Variants in HIPK2 observed in about 807,000 individuals in gnomAD.
The protein encoded by HIPK2 is homeodomain-interacting protein kinase 2.
A neutral mutation model predicts 113.7 loss-of-function variants in HIPK2; 27 were observed. The ratio of observed to expected loss-of-function variants is 0.24; its 90% CI spans 0.17 to 0.33. HIPK2 has a LOEUF of 0.33. Ranked by LOEUF, HIPK2 falls within the 10% of genes least tolerant of loss-of-function variation. The probability of loss-of-function intolerance (pLI) is 1.00; values close to 1 mark genes in which losing one functional copy is unlikely to be tolerated. For synonymous variants in HIPK2, 631 were observed against 642.2 expected, an observed-to-expected ratio of 0.98 and a Z score of 0.26; for missense variants, 1,257 against 1,588.0, an observed-to-expected ratio of 0.79 and a Z score of 3.54.
chr7:139,612,283 G>A (rs555256850), intron 9 of HIPK2, among the ~76,000 whole-genome samples: 2 of 152,218 alleles, frequency 1.3e-5, no homozygotes, highest in Non-Finnish European at 2.9e-5. Flanking sequence ...GTGTCTTTGG[G>A]AAAAGCCTTT....
At chr7:139,749,992 T>C (rs1394930323) in intron 1 of HIPK2, among the ~76,000 whole-genome samples, 2 of 152,178 alleles carry the variant, frequency 1.3e-5, no homozygotes, top group Non-Finnish European at 2.9e-5. Context: ...TGGGAGAACA[T>C]CGCTGACCGC....
At chr7:139,698,907 C>A (rs1419266622) in intron 2 of HIPK2, among the ~76,000 whole-genome samples, 1 of 152,142 alleles carries the variant, frequency 6.6e-6, no homozygotes, top group Admixed American at 6.5e-5. Flanking sequence ...ATATATTATA[C>A]CACAGATTTT....
intron 2 of HIPK2, among the ~76,000 whole-genome samples, chr7:139,677,218 G>C (rs539222127): frequency 2.0e-5 from 3 of 150,984 alleles, no homozygotes; most frequent in East Asian, 2.0e-4. Context: ...TGTATGTAGA[G>C]AGAGAGGGGC....
intron 2 of HIPK2, among the ~76,000 whole-genome samples, chr7:139,685,945 A>C (rs917013120): frequency 1.3e-5 from 2 of 152,232 alleles, no homozygotes; most frequent in Non-Finnish European, 2.9e-5. Context: ...TTTGTCTTTC[A>C]TGTCTTATTA....
intron 14 of HIPK2, 69 bp from the exon 15 acceptor site, chr7:139,573,466 G>T: frequency 7.2e-7 from 1 of 1,395,694 alleles, no homozygotes; most frequent in Non-Finnish European, 9.9e-7. Context: ...GGGAGGAGGG[G>T]CAGGAGGGCA....
chr7:139,738,219 G>C (rs1795994137), intron 1 of HIPK2, among the ~76,000 whole-genome samples: 1 of 152,244 alleles, frequency 6.6e-6, no homozygotes, highest in African/African-American at 2.4e-5. Flanking sequence ...CAGTGGCTCA[G>C]ATAAAAATAT....
chr7:139,657,837 A>G lies in HIPK2; in HGVS notation c.1104-26112T>C, dbSNP rs574043800. ...CTATCACTGAACACAGTGTTACACA[A>G]TAAGTGCTCACGAAAACACAACTGA... On this transcript the variant is annotated intron_variant, in intron 2 of 14. Transcript: ENST00000406875. Among the ~76,000 whole-genome samples the G allele has an allele frequency of 6.6e-5, 10 of 152,344 alleles. No homozygotes were observed. In the South Asian group the frequency reaches 1.9e-3, roughly 28 times the overall value.
intron 4 of HIPK2, 144 bp from the exon 5 acceptor site, chr7:139,629,183 G>C: frequency 1.5e-6 from 1 of 653,406 alleles, no homozygotes; most frequent in Non-Finnish European, 2.7e-6. Flanking sequence ...CTGCACACCT[G>C]CAATTCCCTT....
chr7:139,596,529 T>C (rs545618002), intron 12 of HIPK2, 188 bp downstream of exon 12: 18 of 337,668 alleles, frequency 5.3e-5, no homozygotes, highest in African/African-American at 4.0e-4. Context: ...ATTTTGGTTT[T>C]AAACAATTAT....
At chr7:139,587,813 G>A (rs1798887998) in intron 12 of HIPK2, among the ~76,000 whole-genome samples, 1 of 152,092 alleles carries the variant, frequency 6.6e-6, no homozygotes, top group Non-Finnish European at 1.5e-5. Flanking sequence ...AGGAGTTTGA[G>A]GCTGCAGTGA....
At chr7:139,715,164 C>T (rs1460441539) in intron 2 of HIPK2, among the ~76,000 whole-genome samples, 3 of 152,222 alleles carry the variant, frequency 2.0e-5, no homozygotes, top group African/African-American at 4.8e-5. Context: ...ATACCTAGCA[C>T]TGCGGCTGGC....
chr7:139,684,069 G>A (rs149347918), intron 2 of HIPK2, among the ~76,000 whole-genome samples: 1 of 151,968 alleles, frequency 6.6e-6, no homozygotes, highest in East Asian at 1.9e-4. Flanking sequence ...GCCACATTTT[G>A]GTAATTCTCA....
chr7:139,700,708 G>C (rs1241802703), intron 2 of HIPK2, among the ~76,000 whole-genome samples: 1 of 152,176 alleles, frequency 6.6e-6, no homozygotes, highest in African/African-American at 2.4e-5. Context: ...GTGGGACTGA[G>C]TCTCGCAGGC....
At chr7:139,760,633 TA>T (rs1242867284) in intron 1 of HIPK2, among the ~76,000 whole-genome samples, 1 of 152,022 alleles carries the variant, frequency 6.6e-6, no homozygotes, top group African/African-American at 2.4e-5. Flanking sequence ...AAAGAAAAAA[TA>T]AAGATTTTTC....
intron 1 of HIPK2, among the ~76,000 whole-genome samples, chr7:139,761,027 A>T (rs1442720753): frequency 6.6e-6 from 1 of 152,232 alleles, no homozygotes; most frequent in Non-Finnish European, 1.5e-5. Flanking sequence ...ATAAAAATCC[A>T]TGAATGTATA....
chr7:139,757,073 A>C (rs1796374535), intron 1 of HIPK2, among the ~76,000 whole-genome samples: 1 of 152,182 alleles, frequency 6.6e-6, no homozygotes, highest in South Asian at 2.1e-4. Context: ...AGTAGTTTTC[A>C]ATAACAATTA....
intron 14 of HIPK2, 95 bp downstream of exon 14, chr7:139,575,033 G>A (rs997479520): frequency 6.9e-7 from 1 of 1,446,348 alleles, no homozygotes; most frequent in Non-Finnish European, 9.2e-7. Context: ...AGCCCTGTGA[G>A]GTGGGTGAGG....
chr7:139,622,349 T>C (rs550249683), intron 6 of HIPK2, among the ~76,000 whole-genome samples: 34 of 152,350 alleles, frequency 2.2e-4, no homozygotes, highest in Non-Finnish European at 3.5e-4. Flanking sequence ...AATGCCAGTG[T>C]GTTTTCAGCT....
Position 139,564,709 on chromosome 7 carries a change from G to A in HIPK2, c.*8218C>T, listed in dbSNP as rs941581852. On this transcript the variant is annotated 3_prime_UTR_variant, in exon 15 of 15. Coordinates refer to ENST00000406875, the MANE Select transcript of HIPK2 (RefSeq NM_022740.5). Reference sequence around the variant, plus strand: ...CTAAGAGGCATTCACTGGGGTTTGCGGATGTCAGTTATAAACAGAACTTTT... The same window carrying A: ...CTAAGAGGCATTCACTGGGGTTTGCAGATGTCAGTTATAAACAGAACTTTT... 4 of 152,192 alleles carry A rather than the reference G, an allele frequency of 2.6e-5. No individual in the cohort carries two copies. In the East Asian group the frequency reaches 7.7e-4, roughly 29 times the overall value. The allele number at this position is 152,192 out of a possible 1,614,324, so 9.4% of individuals were successfully genotyped here. A position where few individuals can be genotyped will look rare whatever the true frequency, so the allele number is the denominator to read the frequency against.
Sources: gnomAD v4.1 joint callset for allele counts (sites outside exome capture counted in the v4.1 genomes callset) on GRCh38, gnomAD v4.1.1 for gene constraint, MANE v1.5 for transcripts, NCBI Gene and HGNC (gene_info 2026-07-23, HGNC 2026-07-21) for gene names.